TRIM24: variants seen among roughly 807,000 people sequenced by gnomAD.
TRIM24 encodes the protein tripartite motif containing 24, also known as transcription intermediary factor 1-alpha.
Under a neutral mutation model 123.9 loss-of-function variants are expected in TRIM24, and 29 were observed. That is an observed-to-expected ratio of 0.23 (90% CI 0.17 to 0.32). The LOEUF (loss-of-function observed/expected upper bound fraction) is 0.32. Ranked by LOEUF, TRIM24 falls within the 10% of genes least tolerant of loss-of-function variation. The pLI is 1.00. For synonymous variants in TRIM24, 456 were observed against 461.1 expected, an observed-to-expected ratio of 0.99 and a Z score of 0.14; for missense variants, 932 against 1,295.3, an observed-to-expected ratio of 0.72 and a Z score of 4.31.
chr7:138,519,068 A>G (rs1276455633), intron 3 of TRIM24, 121 bp from the exon 4 acceptor site: 1 of 1,131,364 alleles, frequency 8.8e-7, no homozygotes, highest in East Asian at 2.6e-5. Flanking sequence ...AAGTTATGGT[A>G]TAGTATAGGT....
intron 4 of TRIM24, among the ~76,000 whole-genome samples, chr7:138,522,888 T>C (rs1796532897): frequency 6.6e-6 from 1 of 152,204 alleles, no homozygotes; most frequent in African/African-American, 2.4e-5. Context: ...GAAAACATTT[T>C]CATCTGAATG....
chr7:138,492,123 T>A (rs965617592), intron 1 of TRIM24, among the ~76,000 whole-genome samples: 2 of 151,354 alleles, frequency 1.3e-5, no homozygotes, highest in Non-Finnish European at 2.9e-5. Flanking sequence ...GTAAAAAAAT[T>A]TAGCCAGGCA....
intron 18 of TRIM24, 121 bp downstream of exon 18, chr7:138,584,120 C>T: frequency 3.6e-6 from 4 of 1,097,882 alleles, no homozygotes; most frequent in Non-Finnish European, 5.1e-6. Context: ...TCCAACTTTT[C>T]AGATCAGGGA....
chr7:138,471,759 T>G lies in TRIM24; in HGVS notation c.364+10847T>G, dbSNP rs182853136. 2.9e-3 allele frequency among the ~76,000 whole-genome samples: 439 copies of G among 152,258 alleles called. 5 individuals are homozygous for G. The highest frequency in any genetic ancestry group is 0.02 in the Admixed American group (312 of 15,284). ...TTTCGCCATGTTGGCCAGGCTGGTT[T>G]CAAACTCCTCACCTCAGGTGATCCG... On this transcript the variant is annotated intron_variant, in intron 1 of 18. Transcript: ENST00000343526.
intron 7 of TRIM24, among the ~76,000 whole-genome samples, chr7:138,550,783 T>C (rs924405881): frequency 6.6e-6 from 1 of 152,218 alleles, no homozygotes; most frequent in Non-Finnish European, 1.5e-5. Flanking sequence ...ATAATTTTTA[T>C]TTTACAAATA....
intron 1 of TRIM24, among the ~76,000 whole-genome samples, chr7:138,498,032 A>C (rs969943661): frequency 7.2e-6 from 1 of 139,730 alleles, no homozygotes; most frequent in Non-Finnish European, 1.6e-5. Flanking sequence ...TTATTTATTT[A>C]TTTTTTGAGA....
At chr7:138,502,632 A>T (rs1472690419) in intron 1 of TRIM24, among the ~76,000 whole-genome samples, 1 of 152,210 alleles carries the variant, frequency 6.6e-6, no homozygotes, top group African/African-American at 2.4e-5. Context: ...ATTGGGGGTA[A>T]CACTTAATGT....
intron 2 of TRIM24, among the ~76,000 whole-genome samples, chr7:138,507,113 G>A (rs1265570091): frequency 1.3e-5 from 2 of 152,104 alleles, no homozygotes; most frequent in Non-Finnish European, 2.9e-5. Context: ...AAGTAGAGGT[G>A]TCATCCATGG....
In TRIM24 at chr7:138,565,948, G is replaced by A. The variant is rs149324067; in HGVS notation, c.1531-1533G>A. ...TTGGAAATTGAGTAATGGTAAGGGG[G>A]ATGAGGAGATAGTAAAGGAATTTGA... is the stretch of plus-strand genomic sequence containing the variant. On this transcript the variant is annotated intron_variant, in intron 9 of 18. Coordinates refer to ENST00000343526, the MANE Select transcript of TRIM24 (RefSeq NM_015905.3). 3.1e-3 allele frequency among the ~76,000 whole-genome samples: 478 copies of A among 152,296 alleles called. 3 individuals are homozygous for A. The highest frequency in any genetic ancestry group is 0.011 in the African/African-American group (455 of 41,564).
At chr7:138,489,390 A>G (rs1329795021) in intron 1 of TRIM24, among the ~76,000 whole-genome samples, 1 of 152,142 alleles carries the variant, frequency 6.6e-6, no homozygotes, top group Non-Finnish European at 1.5e-5. Context: ...TCCTGTCATT[A>G]TGATGTTAGC....
chr7:138,548,465 G>C (rs2116625804), intron 7 of TRIM24, among the ~76,000 whole-genome samples: 1 of 152,060 alleles, frequency 6.6e-6, no homozygotes, highest in Middle Eastern at 3.4e-3. Flanking sequence ...CATTTACCAT[G>C]AATGGAGCTT....
In TRIM24 at chr7:138,488,982, T is replaced by TAAGTCTCTTTGTAGG. The variant is rs1190816260; in HGVS notation, c.365-15307_365-15293dup. Among the ~76,000 whole-genome samples, 4 of 152,346 alleles carry TAAGTCTCTTTGTAGG rather than the reference T, an allele frequency of 2.6e-5. No homozygotes were observed. The East Asian group carries it at 7.7e-4, about 29-fold the overall frequency. On this transcript the variant is annotated intron_variant, in intron 1 of 18. Coordinates refer to ENST00000343526, the MANE Select transcript of TRIM24 (RefSeq NM_015905.3). ...CTCCCATTATTATTGTGTGGGAGTC[T>TAAGTCTCTTTGTAGG]AAGTCTCTTTGTAGGTCTCTAAGGA...
At chr7:138,516,585 C>G (rs1384886759) in intron 3 of TRIM24, among the ~76,000 whole-genome samples, 7 of 152,108 alleles carry the variant, frequency 4.6e-5, no homozygotes, top group African/African-American at 1.7e-4. Flanking sequence ...GAACTCCTGA[C>G]CTCAAGTAAT....
chr7:138,515,738 T>C (rs1584712812), intron 3 of TRIM24, among the ~76,000 whole-genome samples: 1 of 152,236 alleles, frequency 6.6e-6, no homozygotes, highest in East Asian at 1.9e-4. Context: ...ATCATGATAT[T>C]TGTCTGATAT....
At position 138,538,672 on chromosome 7, in the gene TRIM24, C is replaced by T. The variant is rs371285599; in HGVS notation, c.1012C>T (p.His338Tyr). 2.2e-5 allele frequency: 36 copies of T among 1,613,842 alleles called. No individual in the cohort carries two copies. The African/African-American group carries it at 4.8e-4, about 22-fold the overall frequency. ...TTGTTTTCAGAGCCTTGCAAAGGAC[C>T]ATCGCATGAAACTTATGCAACAACA... ...LHQLESLAKD[H>Y]RMKLMQQQQE... Residue 338 changes from histidine (H) to tyrosine (Y), a missense_variant, in exon 7 of 19, where the codon CAT becomes TAT. Transcript: ENST00000343526.
chr7:138,479,115 T>G (rs1423223886), intron 1 of TRIM24, among the ~76,000 whole-genome samples: 1 of 152,184 alleles, frequency 6.6e-6, no homozygotes, highest in Non-Finnish European at 1.5e-5. Context: ...CTAATTGTCC[T>G]TCCTACCTCT....
intron 12 of TRIM24, among the ~76,000 whole-genome samples, 164 bp from the exon 13 acceptor site, chr7:138,576,209 T>A (rs1797755241): frequency 6.6e-6 from 1 of 152,214 alleles, no homozygotes; most frequent in African/African-American, 2.4e-5. Flanking sequence ...CCTGCCGGTG[T>A]AACAGGCTGT....
intron 9 of TRIM24, among the ~76,000 whole-genome samples, chr7:138,557,402 A>G (rs1797336833): frequency 6.6e-6 from 1 of 152,200 alleles, no homozygotes; most frequent in Non-Finnish European, 1.5e-5. Context: ...ATTTAGTTAG[A>G]GCCATTAGCT....
chr7:138,519,427 G>A, intron 4 of TRIM24, 106 bp downstream of exon 4: 1 of 1,323,194 alleles, frequency 7.6e-7, no homozygotes, highest in Non-Finnish European at 1.0e-6. Flanking sequence ...GGTTTTGTTT[G>A]GCCAGCACTA....
Sources: allele counts gnomAD v4.1 joint callset (sites outside exome capture counted in the v4.1 genomes callset), GRCh38; gene constraint gnomAD v4.1.1; transcripts MANE v1.5; gene names NCBI Gene and HGNC (gene_info 2026-07-23, HGNC 2026-07-21).